Variants in CCNY observed in about 807,000 individuals in gnomAD.
CCNY encodes the protein cyclin-Y.
Under a neutral mutation model 42.8 loss-of-function variants are expected in CCNY, and 19 were observed. The ratio of observed to expected loss-of-function variants is 0.44; its 90% CI spans 0.31 to 0.65. CCNY has a LOEUF of 0.65. Among genes scored for constraint, CCNY ranks in the 30% least tolerant of loss-of-function variants. The pLI is 0.07. For missense variants in CCNY, 370 were observed against 437.3 expected, an observed-to-expected ratio of 0.85 and a Z score of 1.37; for synonymous variants, 165 against 162.7, an observed-to-expected ratio of 1.01 and a Z score of -0.11.
rs181633305 is a variant in CCNY at position 35,391,928 on chromosome 10, C to T, written c.154+54721C>T. Among the ~76,000 whole-genome samples the T allele has an allele frequency of 4.6e-4, 70 of 152,296 alleles. 1 individual carries two copies. The highest frequency in any genetic ancestry group is 1.5e-3 in the African/African-American group (61 of 41,564). On this transcript the variant is annotated intron_variant, in intron 1 of 9. Coordinates refer to ENST00000374704, the MANE Select transcript of CCNY (RefSeq NM_145012.6). ...TGGCTGGTGCTGGCCTCACTTCTCC[C>T]ATGACTGTCTCATTGCCTGTTCCTA... is the stretch of plus-strand genomic sequence containing the variant.
In CCNY at chr10:35,293,788, A is replaced by ATT. The variant is rs796927132; in HGVS notation, c.-9+43179_-9+43180dup. Among the ~76,000 whole-genome samples the ATT allele has an allele frequency of 1.4e-4, 19 of 139,838 alleles. 1 individual carries two copies. Among genetic ancestry groups the ATT allele is most frequent in the South Asian group, 4.6e-4 (2 of 4,388 alleles). The allele number at this position is 139,838 out of a possible 152,430, so 91.7% of individuals were successfully genotyped here. A position where few individuals can be genotyped will look rare whatever the true frequency, so the allele number is the denominator to read the frequency against. On this transcript the variant is annotated intron_variant, in intron 3 of 11. Transcript: ENST00000374706. ...CTAAAAATGTACAGACATACAATTG[A>ATT]TTTTTTTTTTTTTTTTTTGAGACAC...
intron 3 of CCNY, among the ~76,000 whole-genome samples, chr10:35,290,312 G>T (rs1835399385): frequency 6.6e-6 from 1 of 151,128 alleles, no homozygotes; most frequent in Non-Finnish European, 1.5e-5. Flanking sequence ...AGCTACTTGG[G>T]AGGTTGAGGC....
chr10:35,463,221 C>T (rs1165255383), intron 1 of CCNY, among the ~76,000 whole-genome samples: 1 of 152,204 alleles, frequency 6.6e-6, no homozygotes, highest in Non-Finnish European at 1.5e-5. Context: ...TCTCCTTATT[C>T]ATCTAAAAAA....
rs113265137 is a variant in CCNY, at chr10:35,341,103, G to A, written c.154+3896G>A. ...CTTCACTCAAAAACGGCAGTGACTCGTTATTGCACAAGTAAAAGCCTTACA... is the reference window on the plus strand; with the variant it reads ...CTTCACTCAAAAACGGCAGTGACTCATTATTGCACAAGTAAAAGCCTTACA... On this transcript the variant is annotated intron_variant, in intron 1 of 9. Transcript: ENST00000374704. 4.9e-3 allele frequency among the ~76,000 whole-genome samples: 750 copies of A among 152,260 alleles called. 4 individuals are homozygous for A. The highest frequency in any genetic ancestry group is 7.7e-3 in the Non-Finnish European group (525 of 68,018).
At chr10:35,552,996 C>T in intron 7 of CCNY, 23 bp from the exon 8 acceptor site, 1 of 1,608,212 alleles carries the variant, frequency 6.2e-7, no homozygotes, top group Non-Finnish European at 8.5e-7. Context: ...TCACTTAGCT[C>T]TGGCATTGTC....
At chr10:35,431,686 G>C (rs1201363857) in intron 1 of CCNY, among the ~76,000 whole-genome samples, 1 of 151,956 alleles carries the variant, frequency 6.6e-6, no homozygotes, top group Non-Finnish European at 1.5e-5. Context: ...GCAGAATCCA[G>C]TAAAGCCATG....
chr10:35,404,335 G>A (rs1837710264), intron 1 of CCNY, among the ~76,000 whole-genome samples: 1 of 152,100 alleles, frequency 6.6e-6, no homozygotes, highest in Admixed American at 6.5e-5. Context: ...CTGCACTTTG[G>A]CTGTGTGTAA....
chr10:35,314,740 G>A (rs1564366375), intron 3 of CCNY: 1 of 151,846 alleles, frequency 6.6e-6, no homozygotes, highest in Non-Finnish European at 1.5e-5. Flanking sequence ...ATTTACTTAT[G>A]CTAGCAATTG....
chr10:35,492,164 C>G (rs747708148), intron 2 of CCNY, among the ~76,000 whole-genome samples: 1 of 152,194 alleles, frequency 6.6e-6, no homozygotes, highest in African/African-American at 2.4e-5. Flanking sequence ...TCTCTTAGGC[C>G]CCTCCCTGCC....
chr10:35,511,446 GC>G (rs1235800928), intron 3 of CCNY, among the ~76,000 whole-genome samples: 1 of 152,192 alleles, frequency 6.6e-6, no homozygotes, highest in East Asian at 1.9e-4. Flanking sequence ...AGCACTGTCA[GC>G]AGAGTGCTGA....
At chr10:35,442,983 T>G (rs547198199) in intron 1 of CCNY, among the ~76,000 whole-genome samples, 1 of 152,232 alleles carries the variant, frequency 6.6e-6, no homozygotes, top group South Asian at 2.1e-4. Flanking sequence ...CTGAATACTT[T>G]AGGTAATTTG....
chr10:35,551,812 A>C (rs1418243914), intron 7 of CCNY, among the ~76,000 whole-genome samples: 1 of 152,224 alleles, frequency 6.6e-6, no homozygotes, highest in Non-Finnish European at 1.5e-5. Context: ...ATAAAATCCT[A>C]ATCGCAGTGA....
chr10:35,262,322 CATTTTATTTT>C (rs144902785), intron 3 of CCNY, among the ~76,000 whole-genome samples: 1,158 of 110,408 alleles, frequency 0.01, 25 homozygotes, highest in African/African-American at 0.032. Flanking sequence ...CAACATGAGT[CATTTTATTTT>C]ATTTTATTTT....
At chr10:35,463,538 G>T (rs1839198596) in intron 1 of CCNY, among the ~76,000 whole-genome samples, 1 of 152,138 alleles carries the variant, frequency 6.6e-6, no homozygotes, top group South Asian at 2.1e-4. Context: ...TGAAACTCTG[G>T]AAGCACCAAG....
intron 3 of CCNY, among the ~76,000 whole-genome samples, chr10:35,319,296 C>G (rs1835795239): frequency 6.6e-6 from 1 of 152,166 alleles, no homozygotes; most frequent in Non-Finnish European, 1.5e-5. Flanking sequence ...AGGAGGACTG[C>G]CTGAGACCAG....
At chr10:35,483,507 TA>T in intron 2 of CCNY, 29 bp downstream of exon 2, 7 of 1,405,470 alleles carry the variant, frequency 5.0e-6, no homozygotes, top group Admixed American at 1.8e-5. Context: ...TTTCTTTTTG[TA>T]AAAAAGGCTC....
chr10:35,420,847 T>G (rs1188873301), intron 1 of CCNY, among the ~76,000 whole-genome samples: 1 of 152,096 alleles, frequency 6.6e-6, no homozygotes, highest in Non-Finnish European at 1.5e-5. Flanking sequence ...TGGCAATGAG[T>G]CTGAATTCTA....
At chr10:35,249,668 T>C (rs772401522) in intron 2 of CCNY, among the ~76,000 whole-genome samples, 39 of 152,206 alleles carry the variant, frequency 2.6e-4, no homozygotes, top group Non-Finnish European at 5.3e-4. Context: ...AATAGCAAGA[T>C]AGAATGGCTG....
At chr10:35,409,589 G>T (rs1233377362) in intron 1 of CCNY, among the ~76,000 whole-genome samples, 3 of 152,138 alleles carry the variant, frequency 2.0e-5, no homozygotes, top group African/African-American at 7.2e-5. Flanking sequence ...AAAGAAAAAT[G>T]CAATTCTAAA....
Sources: allele counts gnomAD v4.1 joint callset (sites outside exome capture counted in the v4.1 genomes callset), GRCh38; gene constraint gnomAD v4.1.1; transcripts MANE v1.5; gene names NCBI Gene and HGNC (gene_info 2026-07-23, HGNC 2026-07-21).